GHR: variants seen among roughly 807,000 people sequenced by gnomAD.
GHR encodes the protein growth hormone receptor, also known as GH receptor.
GHR carries 35 observed loss-of-function variants against 67.1 expected under a neutral mutation model. That is an observed-to-expected ratio of 0.52 (90% CI 0.40 to 0.69). The LOEUF (loss-of-function observed/expected upper bound fraction) is 0.69, where lower values mean the gene tolerates loss of function less well. GHR is among the 30% of genes least tolerant of loss of function. The probability of loss-of-function intolerance (pLI) is 0.00; values close to 1 mark genes in which losing one functional copy is unlikely to be tolerated. For missense variants in GHR, 792 were observed against 764.6 expected, an observed-to-expected ratio of 1.04 and a Z score of -0.42; for synonymous variants, 272 against 269.1, an observed-to-expected ratio of 1.01 and a Z score of -0.10.
rs113607447 is a variant in GHR, at chr5:42,647,493, G to A, written c.136+18390G>A. Reference sequence around the variant, plus strand: ...GGAGGCTGAGGCAGGAAAATGGCATGAACCCGGGAGGCAGAGCTTGCAGTG... The same window carrying A: ...GGAGGCTGAGGCAGGAAAATGGCATAAACCCGGGAGGCAGAGCTTGCAGTG... On this transcript the variant is annotated intron_variant, in intron 3 of 9. Transcript: ENST00000230882. Among the ~76,000 whole-genome samples, 388 of 151,132 alleles carry A rather than the reference G, an allele frequency of 2.6e-3. 2 individuals carry two copies. The highest frequency in any genetic ancestry group is 9.2e-3 in the African/African-American group (377 of 41,118).
At chr5:42,505,124 T>TG (rs1354014201) in intron 1 of GHR, among the ~76,000 whole-genome samples, 6 of 146,212 alleles carry the variant, frequency 4.1e-5, no homozygotes, top group African/African-American at 1.1e-4. Context: ...TGTTGACTGT[T>TG]TTTTTTTTTT....
intron 3 of GHR, among the ~76,000 whole-genome samples, chr5:42,671,488 A>T (rs942099827): frequency 1.3e-4 from 20 of 152,204 alleles, no homozygotes; most frequent in East Asian, 9.7e-4. Flanking sequence ...TTCAAACTAT[A>T]TCAAGTAGGC....
At chr5:42,670,093 G>A (rs1756197751) in intron 3 of GHR, among the ~76,000 whole-genome samples, 1 of 152,174 alleles carries the variant, frequency 6.6e-6, no homozygotes, top group Non-Finnish European at 1.5e-5. Flanking sequence ...AGCAATGCTG[G>A]AAGCATCACA....
chr5:42,590,275 AAAT>A (rs549924862), intron 2 of GHR, among the ~76,000 whole-genome samples: 3 of 152,172 alleles, frequency 2.0e-5, no homozygotes, highest in Non-Finnish European at 2.9e-5. Context: ...TAGTGTTTCA[AAAT>A]AATAATAATA....
At chr5:42,426,458 G>A (rs1016106912) in intron 1 of GHR, among the ~76,000 whole-genome samples, 10 of 152,280 alleles carry the variant, frequency 6.6e-5, no homozygotes, top group African/African-American at 2.2e-4. Context: ...TTCTCAGGTC[G>A]TACCACTGGC....
At chr5:42,688,228 A>G (rs1335565782) in intron 3 of GHR, among the ~76,000 whole-genome samples, 2 of 152,172 alleles carry the variant, frequency 1.3e-5, no homozygotes, top group Non-Finnish European at 2.9e-5. Flanking sequence ...ATGTCATCAC[A>G]ACTGTCTATG....
chr5:42,682,425 G>T (rs1756931538), intron 3 of GHR, among the ~76,000 whole-genome samples: 1 of 152,178 alleles, frequency 6.6e-6, no homozygotes, highest in African/African-American at 2.4e-5. Context: ...GTCATTTGTT[G>T]TCTTCGTAGT....
chr5:42,700,929 T>G (rs1757900273), intron 6 of GHR, among the ~76,000 whole-genome samples: 1 of 152,204 alleles, frequency 6.6e-6, no homozygotes, highest in Non-Finnish European at 1.5e-5. Flanking sequence ...TTCTGTAACT[T>G]GGTACAAATA....
intron 6 of GHR, among the ~76,000 whole-genome samples, chr5:42,701,704 A>G (rs1020572071): frequency 2.6e-5 from 4 of 152,168 alleles, no homozygotes; most frequent in African/African-American, 7.2e-5. Flanking sequence ...TGTGTCTCCA[A>G]CCGTGAGCTT....
chr5:42,566,046 G>A (rs964872770), intron 2 of GHR, 102 bp downstream of exon 2: 4 of 1,353,406 alleles, frequency 3.0e-6, no homozygotes, highest in Non-Finnish European at 4.2e-6. Context: ...AAAGATGCAA[G>A]TTTTACATAG....
At chr5:42,490,136 A>G (rs1746053038) in intron 1 of GHR, among the ~76,000 whole-genome samples, 1 of 152,224 alleles carries the variant, frequency 6.6e-6, no homozygotes, top group Non-Finnish European at 1.5e-5. Flanking sequence ...CATTACTTAG[A>G]TGTTCACAGA....
At chr5:42,478,119 A>C (rs373109951) in intron 1 of GHR, among the ~76,000 whole-genome samples, 2 of 152,246 alleles carry the variant, frequency 1.3e-5, no homozygotes, top group Non-Finnish European at 2.9e-5. Flanking sequence ...CAGTATTCCC[A>C]GCACCATTTA....
At chr5:42,509,478 A>G (rs760498456) in intron 1 of GHR, among the ~76,000 whole-genome samples, 4 of 152,160 alleles carry the variant, frequency 2.6e-5, no homozygotes, top group Non-Finnish European at 5.9e-5. Flanking sequence ...TGAATCTACA[A>G]GCTTCCACCA....
rs556330060 is a variant in GHR, at chr5:42,615,473, A to G, written c.71-13565A>G. Among the ~76,000 whole-genome samples, 12 of 152,196 alleles carry G rather than the reference A, an allele frequency of 7.9e-5. No homozygotes were observed. In the South Asian group the frequency reaches 1.5e-3, roughly 18 times the overall value. ...ACTACTTTTCTTTAGTCCTAACCTA[A>G]CCAAGAGCTAGGCATTTAGGAAATG... On this transcript the variant is annotated intron_variant, in intron 2 of 9. Coordinates refer to ENST00000230882, the MANE Select transcript of GHR (RefSeq NM_000163.5).
chr5:42,447,583 A>C (rs1327428180), intron 1 of GHR, among the ~76,000 whole-genome samples: 2 of 151,984 alleles, frequency 1.3e-5, no homozygotes, highest in African/African-American at 2.4e-5. Context: ...GCTGCTGTAC[A>C]AATGCATGTG....
chr5:42,604,639 T>A (rs1752533685), intron 2 of GHR, among the ~76,000 whole-genome samples: 1 of 151,992 alleles, frequency 6.6e-6, no homozygotes, highest in Admixed American at 6.5e-5. Flanking sequence ...CCCAGCATTA[T>A]AATAAAAGAC....
At chr5:42,686,838 C>T (rs1218710811) in intron 3 of GHR, among the ~76,000 whole-genome samples, 2 of 152,018 alleles carry the variant, frequency 1.3e-5, no homozygotes, top group Non-Finnish European at 2.9e-5. Flanking sequence ...GGCAGTCAGG[C>T]AAGAGAAAGA....
At chr5:42,701,776 G>T (rs1387805129) in intron 6 of GHR, among the ~76,000 whole-genome samples, 2 of 152,190 alleles carry the variant, frequency 1.3e-5, no homozygotes, top group African/African-American at 4.8e-5. Flanking sequence ...TAATGAAAGT[G>T]ACTTTTTAAT....
chr5:42,662,517 A>C lies in GHR; in HGVS notation c.137-26373A>C, dbSNP rs552395268. Among the ~76,000 whole-genome samples the C allele has an allele frequency of 2.7e-3, 406 of 152,338 alleles. 5 individuals are homozygous for C. Among genetic ancestry groups the C allele is most frequent in the African/African-American group, 9.3e-3 (386 of 41,568 alleles). On this transcript the variant is annotated intron_variant, in intron 3 of 9. Transcript: ENST00000230882. ...GTCCTGAATGACTACTGGGTACATA[A>C]CAAAATGAAGGCAGAAATAAAGATG... is the stretch of plus-strand genomic sequence containing the variant.
Sources: gnomAD v4.1 joint callset for allele counts (sites outside exome capture counted in the v4.1 genomes callset) on GRCh38, gnomAD v4.1.1 for gene constraint, MANE v1.5 for transcripts, NCBI Gene and HGNC (gene_info 2026-07-23, HGNC 2026-07-21) for gene names.